Variants in APOE observed in about 807,000 individuals in gnomAD.
The protein encoded by APOE is apolipoprotein E3.
APOE carries 10 observed loss-of-function variants against 13.1 expected under a neutral mutation model. That is an observed-to-expected ratio of 0.76 (90% CI 0.47 to 1.29). The LOEUF is 1.29. Ranked by LOEUF, APOE falls within the 50% of genes most tolerant of loss-of-function variation. APOE has a pLI of 0.00. For synonymous variants in APOE, 211 were observed against 207.1 expected, an observed-to-expected ratio of 1.02 and a Z score of -0.16; for missense variants, 471 against 459.6, an observed-to-expected ratio of 1.02 and a Z score of -0.23.
chr19:44,908,406 C>T, intron 3 of APOE, 127 bp from the exon 4 acceptor site: 1 of 932,558 alleles, frequency 1.1e-6, no homozygotes, highest in Non-Finnish European at 1.7e-6. Flanking sequence ...GTCTCCTTCT[C>T]TCGGCCTCTG....
Position 44,905,808 on chromosome 19 carries a change from A to G in APOE, c.-57A>G. On this transcript the variant is annotated 5_prime_UTR_variant, in exon 1 of 4. Coordinates refer to ENST00000252486, the MANE Select transcript of APOE (RefSeq NM_000041.4). ...GGATCCTTGAGTCCTACTCAGCCCCAGCGGAGGTGAAGGACGTCCTTCCCC... is the reference window on the plus strand; with the variant it reads ...GGATCCTTGAGTCCTACTCAGCCCCGGCGGAGGTGAAGGACGTCCTTCCCC... 1 of 1,273,132 alleles carries G rather than the reference A, an allele frequency of 7.9e-7. No homozygotes were observed. The allele number at this position is 1,273,132 out of a possible 1,614,324, so 78.9% of individuals were successfully genotyped here.
rs1269499752 is a variant in APOE, at chr19:44,908,668, G to T, written c.372G>T (p.Ala124=). The T allele has an allele frequency of 5.1e-6, 8 of 1,578,168 alleles. No homozygotes were observed. Among genetic ancestry groups the T allele is most frequent in the Non-Finnish European group, 5.2e-6 (6 of 1,162,558 alleles). The change falls in exon 4 of 4, where the codon GCG becomes GCT. Residue 124 remains alanine (A), a synonymous_variant. Transcript: ENST00000252486. ...ELQAAQARLG[A]DMEDVCGRLV... is the part of the protein sequence containing the mutation. ...AGGCGGCGCAGGCCCGGCTGGGCGC[G>T]GACATGGAGGACGTGTGCGGCCGCC...
chr19:44,906,738 C>T (rs1027239117), intron 2 of APOE, 71 bp downstream of exon 2: 2 of 1,517,296 alleles, frequency 1.3e-6, no homozygotes, highest in Non-Finnish European at 1.8e-6. Flanking sequence ...CTCCTGGCCC[C>T]ATTCAGGCAG....
rs1438516207 is a variant in APOE at position 44,909,254 on chromosome 19, C to T, written c.*4C>T. On this transcript the variant is annotated 3_prime_UTR_variant, in exon 4 of 4. Coordinates refer to ENST00000252486, the MANE Select transcript of APOE (RefSeq NM_000041.4). ...TGTGCCCAGCGACAATCACTGAACG[C>T]CGAAGCCTGCAGCCATGCGACCCCA... The T allele has an allele frequency of 1.3e-6, 2 of 1,596,152 alleles. No individual in the cohort carries two copies. The highest frequency in any genetic ancestry group is 4.5e-5 in the East Asian group (2 of 44,850).
rs778901516 is a variant in APOE at position 44,909,142 on chromosome 19, G to C, written c.846G>C (p.Trp282Cys). 103 of 1,601,430 alleles carry C rather than the reference G, an allele frequency of 6.4e-5. No individual in the cohort carries two copies. Among genetic ancestry groups the C allele is most frequent in the Non-Finnish European group, 8.2e-5 (97 of 1,178,760 alleles). The change falls in exon 4 of 4, where the codon TGG becomes TGC. Residue 282 changes from tryptophan to cysteine, a missense_variant. By Grantham distance (215) the Trp-to-Cys change is radical (BLOSUM62 -2). Transcript: ENST00000252486. ...AEAFQARLKS[W>C]FEPLVEDMQR... is the part of the protein sequence containing the mutation. ...CCTTCCAGGCCCGCCTCAAGAGCTGGTTCGAGCCCCTGGTGGAAGACATGC... is the reference window on the plus strand; with the variant it reads ...CCTTCCAGGCCCGCCTCAAGAGCTGCTTCGAGCCCCTGGTGGAAGACATGC...
chr19:44,909,324 C>A lies in APOE; in HGVS notation c.*74C>A. 7.1e-7 allele frequency: 1 copy of A among 1,410,192 alleles called. No homozygotes were observed. The allele number at this position is 1,410,192 out of a possible 1,614,324, so 87.4% of individuals were successfully genotyped here. On this transcript the variant is annotated 3_prime_UTR_variant, in exon 4 of 4. Transcript: ENST00000252486. ...CCTCCGCGCAGCCTGCAGCGGGAGA[C>A]CCTGTCCCCGCCCCAGCCGTCCTCC...
At chr19:44,908,374 T>C (rs893523945) in intron 3 of APOE, among the ~76,000 whole-genome samples, 159 bp from the exon 4 acceptor site, 4 of 152,178 alleles carry the variant, frequency 2.6e-5, no homozygotes, top group Non-Finnish European at 4.4e-5. Context: ...GCCCTCTGCA[T>C]CTGCTCTCTG....
Position 44,909,200 on chromosome 19 carries a change from C to T in APOE, c.904C>T (p.Gln302Ter). The T allele has an allele frequency of 6.3e-7, 1 of 1,597,162 alleles. No homozygotes were observed. Among genetic ancestry groups the T allele is most frequent in the Non-Finnish European group, 8.5e-7 (1 of 1,178,742 alleles). Reference protein sequence around the residue: ...RQWAGLVEKVQAAVGTSAAPV... With the variant: ...RQWAGLVEKV The stretch of plus-strand genomic sequence containing the variant: ...GTGGGCCGGGCTGGTGGAGAAGGTG[C>T]AGGCTGCCGTGGGCACCAGCGCCGC... The change falls in exon 4 of 4, where the codon CAG (glutamine) becomes TAG (stop). Residue 302 changes from glutamine (Q) to a stop codon, truncating the protein, a stop_gained. Coordinates refer to ENST00000252486, the MANE Select transcript of APOE (RefSeq NM_000041.4). LOFTEE classifies it low-confidence loss of function (END_TRUNC).
chr19:44,909,023 A>G lies in APOE; in HGVS notation c.727A>G (p.Thr243Ala). 6.5e-7 allele frequency: 1 copy of G among 1,540,414 alleles called. No homozygotes were observed. The highest frequency in any genetic ancestry group is 8.7e-7 in the Non-Finnish European group (1 of 1,148,560). The change falls in exon 4 of 4, where the codon ACC becomes GCC. Residue 243 changes from threonine to alanine, a missense_variant. Transcript: ENST00000252486. ...RARMEEMGSRTRDRLDEVKEQ... is the reference protein window; with the variant it reads ...RARMEEMGSRARDRLDEVKEQ... ...GCGGATGGAGGAGATGGGCAGCCGG[A>G]CCCGCGACCGCCTGGACGAGGTGAA... is the stretch of plus-strand genomic sequence containing the variant.
At position 44,908,705 on chromosome 19, in the gene APOE, C is replaced by T. The variant is rs573658040; in HGVS notation, c.409C>T (p.Arg137Cys). Residue 137 changes from arginine to cysteine, a missense_variant, in exon 4 of 4, where the codon CGC (arginine) becomes TGC (cysteine). Arg to Cys is a radical substitution (Grantham distance 180, BLOSUM62 -3). Coordinates refer to ENST00000252486, the MANE Select transcript of APOE (RefSeq NM_000041.4). ...EDVCGRLVQY[R>C]GEVQAMLGQS... ...CGTGTGCGGCCGCCTGGTGCAGTAC[C>T]GCGGCGAGGTGCAGGCCATGCTCGG... The T allele has an allele frequency of 5.1e-6, 8 of 1,560,566 alleles. No individual in the cohort carries two copies. Among genetic ancestry groups the T allele is most frequent in the South Asian group, 2.3e-5 (2 of 85,324 alleles).
Position 44,907,661 on chromosome 19 carries a change from A to C in APOE, c.44-99A>C. 5 of 1,110,324 alleles carry C rather than the reference A, an allele frequency of 4.5e-6. No homozygotes were observed. Among genetic ancestry groups the C allele is most frequent in the Non-Finnish European group, 5.3e-6 (4 of 758,470 alleles). 68.8% of individuals were successfully genotyped at this position (1,110,324 alleles called of 1,614,324 possible). On this transcript the variant is annotated intron_variant, in intron 2 of 3. Transcript: ENST00000252486. This position sits in a 1 kb window ranked among gnomAD's most constrained non-coding sequence, Gnocchi z 4.1. ...CCCTCACCCTGCCCACCATGGCTCC[A>C]AAGAAGCATTTGTGGAGCACCTTCT...
intron 2 of APOE, 67 bp downstream of exon 2, chr19:44,906,734 GC>G: frequency 6.5e-7 from 1 of 1,539,860 alleles, no homozygotes; most frequent in Non-Finnish European, 9.0e-7. Context: ...CAACCTCCTG[GC>G]CCCATTCAGG....
intron 3 of APOE, among the ~76,000 whole-genome samples, chr19:44,908,325 C>G (rs1969848433): frequency 6.6e-6 from 1 of 152,170 alleles, no homozygotes. Context: ...CATGAGCCAC[C>G]TTGCCCGGCC....
intron 2 of APOE, 51 bp downstream of exon 2, chr19:44,906,718 T>A: frequency 6.3e-7 from 1 of 1,586,148 alleles, no homozygotes; most frequent in Non-Finnish European, 8.7e-7. Flanking sequence ...CCTCTCATCC[T>A]CACCTCAACC....
chr19:44,909,220 C>T lies in APOE; in HGVS notation c.924C>T (p.Ser308=), dbSNP rs1245915178. ...AGGTGCAGGCTGCCGTGGGCACCAG[C>T]GCCGCCCCTGTGCCCAGCGACAATC... ...VEKVQAAVGT[S]AAPVPSDNH is the part of the protein sequence containing the mutation. The change falls in exon 4 of 4, where the codon AGC becomes AGT. Residue 308 remains serine (S), a synonymous_variant. Transcript: ENST00000252486. The T allele has an allele frequency of 6.3e-7, 1 of 1,596,546 alleles. No homozygotes were observed. The highest frequency in any genetic ancestry group is 1.3e-5 in the African/African-American group (1 of 74,846).
rs121918399 is a variant in APOE, at chr19:44,907,843, C to T, written c.127C>T (p.Arg43Cys). 1.2e-6 allele frequency: 2 copies of T among 1,613,992 alleles called. No homozygotes were observed. The highest frequency in any genetic ancestry group is 2.2e-5 in the East Asian group (1 of 44,870). ...RQQTEWQSGQ[R>C]WELALGRFWD... ...GCAGACCGAGTGGCAGAGCGGCCAG[C>T]GCTGGGAACTGGCACTGGGTCGCTT... Residue 43 changes from arginine (R) to cysteine (C), a missense_variant, in exon 3 of 4, where the codon CGC becomes TGC. Arg to Cys is a radical substitution (Grantham distance 180, BLOSUM62 -3). Transcript: ENST00000252486. The surrounding 1 kb of genome is among the most constrained non-coding windows in gnomAD (Gnocchi z 4.1).
At chr19:44,906,937 G>C in intron 2 of APOE, 1 of 510,330 alleles carries the variant, frequency 2.0e-6, no homozygotes. Flanking sequence ...CTGGAGTGCA[G>C]TGGCGGGATC....
Position 44,909,291 on chromosome 19 carries a change from G to T in APOE, c.*41G>T. 1 of 1,569,516 alleles carries T rather than the reference G, an allele frequency of 6.4e-7. No homozygotes were observed. Among genetic ancestry groups the T allele is most frequent in the Non-Finnish European group, 8.6e-7 (1 of 1,156,500 alleles). ...GCCATGCGACCCCACGCCACCCCGTGCCTCCTGCCTCCGCGCAGCCTGCAG... is the reference window on the plus strand; with the variant it reads ...GCCATGCGACCCCACGCCACCCCGTTCCTCCTGCCTCCGCGCAGCCTGCAG... On this transcript the variant is annotated 3_prime_UTR_variant, in exon 4 of 4. Transcript: ENST00000252486.
rs549553647 is a variant in APOE at position 44,907,338 on chromosome 19, T to A, written c.44-422T>A. ...TCCGCTGGGCGCGGTGGCTCACCCC[T>A]GTAATCCCAGCACTTTGGGAGGCCA... On this transcript the variant is annotated intron_variant, in intron 2 of 3. Coordinates refer to ENST00000252486, the MANE Select transcript of APOE (RefSeq NM_000041.4). This position sits in a 1 kb window ranked among gnomAD's most constrained non-coding sequence, Gnocchi z 4.1. The A allele has an allele frequency of 7.4e-5, 22 of 295,780 alleles. No homozygotes were observed. The East Asian group carries it at 1.5e-3, about 20-fold the overall frequency. The allele number at this position is 295,780 out of a possible 1,614,324, so 18.3% of individuals were successfully genotyped here. A position where few individuals can be genotyped will look rare whatever the true frequency, so the allele number is the denominator to read the frequency against.
Sources: allele counts gnomAD v4.1 joint callset (sites outside exome capture counted in the v4.1 genomes callset), GRCh38; gene constraint gnomAD v4.1.1; non-coding constraint Gnocchi (gnomAD v3.1); transcripts MANE v1.5; gene names NCBI Gene and HGNC (gene_info 2026-07-23, HGNC 2026-07-21).